The following DSCAM variants were observed in gnomAD, a reference collection of about 807,000 sequenced individuals.
The protein encoded by DSCAM is cell adhesion molecule DSCAM.
Under a neutral mutation model 217.7 loss-of-function variants are expected in DSCAM, and 47 were observed. The ratio of observed to expected loss-of-function variants is 0.22; its 90% CI spans 0.17 to 0.28. The LOEUF (loss-of-function observed/expected upper bound fraction) is 0.28, where lower values mean the gene tolerates loss of function less well. Ranked by LOEUF, DSCAM falls within the 10% of genes least tolerant of loss-of-function variation. The pLI is 1.00. For synonymous variants in DSCAM, 1,056 were observed against 1,015.3 expected, an observed-to-expected ratio of 1.04 and a Z score of -0.76; for missense variants, 2,080 against 2,618.3, an observed-to-expected ratio of 0.79 and a Z score of 4.49.
intron 16 of DSCAM, among the ~76,000 whole-genome samples, chr21:40,150,729 G>C (rs1030346294): frequency 6.6e-6 from 1 of 152,240 alleles, no homozygotes; most frequent in Admixed American, 6.5e-5. Flanking sequence ...TGTTTTGAAT[G>C]ATGCTTTAGA....
rs145772482 is a variant in DSCAM at position 40,324,684 on chromosome 21, G to C, written c.1784-12325C>G. 4.6e-3 allele frequency among the ~76,000 whole-genome samples: 707 copies of C among 152,222 alleles called. 8 individuals are homozygous for C. The highest frequency in any genetic ancestry group is 0.016 in the African/African-American group (677 of 41,548). ...ATTAGAGTCACCATGGTCTGAGCAG[G>C]ATGACAGGTTATGTTTCCCCTGGTT... On this transcript the variant is annotated intron_variant, in intron 8 of 32. Transcript: ENST00000400454.
intron 4 of DSCAM, among the ~76,000 whole-genome samples, chr21:40,362,406 GGGTT>G (rs1569085313): frequency 1.3e-5 from 2 of 152,150 alleles, no homozygotes; most frequent in Non-Finnish European, 2.9e-5. Flanking sequence ...TTATTTCAGT[GGGTT>G]GGTTAGATAA....
chr21:40,213,095 G>A (rs565443750), intron 11 of DSCAM, among the ~76,000 whole-genome samples: 5 of 152,322 alleles, frequency 3.3e-5, no homozygotes, highest in South Asian at 2.1e-4. Flanking sequence ...CCACTCCATC[G>A]TGGTCATTTT....
intron 1 of DSCAM, among the ~76,000 whole-genome samples, chr21:40,717,045 G>A (rs1436011775): frequency 1.3e-5 from 2 of 152,218 alleles, no homozygotes; most frequent in Non-Finnish European, 2.9e-5. Flanking sequence ...TTAGGACATT[G>A]AGTTGTCCCA....
intron 11 of DSCAM, among the ~76,000 whole-genome samples, chr21:40,203,461 T>C (rs986248360): frequency 2.6e-5 from 4 of 152,222 alleles, no homozygotes; most frequent in African/African-American, 9.6e-5. Context: ...CTTTGTGGCA[T>C]CCCTCCCCTA....
chr21:40,077,866 C>T (rs1039530833), intron 26 of DSCAM, among the ~76,000 whole-genome samples: 2 of 152,220 alleles, frequency 1.3e-5, no homozygotes, highest in African/African-American at 4.8e-5. Flanking sequence ...TGCATTGCTG[C>T]CGTTTTTACC....
At chr21:40,397,390 C>G (rs1262936322) in intron 3 of DSCAM, among the ~76,000 whole-genome samples, 5 of 152,022 alleles carry the variant, frequency 3.3e-5, no homozygotes, top group Non-Finnish European at 7.4e-5. Flanking sequence ...GCAACTCCCT[C>G]TCACTCTCTC....
intron 3 of DSCAM, among the ~76,000 whole-genome samples, chr21:40,521,473 C>T (rs1460540455): frequency 6.6e-6 from 1 of 152,046 alleles, no homozygotes; most frequent in Non-Finnish European, 1.5e-5. Context: ...GAGGTGATAC[C>T]TCATTGTGGT....
chr21:40,166,900 G>T lies in DSCAM; in HGVS notation c.3018+318C>A, dbSNP rs550323067. 2.0e-5 allele frequency among the ~76,000 whole-genome samples: 3 copies of T among 152,000 alleles called. No homozygotes were observed. In the East Asian group the frequency reaches 5.8e-4, roughly 29 times the overall value. ...AAAGCAATTTGAAAACATTTTTGCT[G>T]GGATGAAATGAGAGCATGCAGTCAG... On this transcript the variant is annotated intron_variant, in intron 16 of 32. Transcript: ENST00000400454.
chr21:40,036,004 G>C (rs879062179), intron 32 of DSCAM, among the ~76,000 whole-genome samples: 1 of 139,448 alleles, frequency 7.2e-6, no homozygotes, highest in African/African-American at 2.8e-5. Flanking sequence ...TCTCTGGGAC[G>C]CATTCAAAGC....
intron 13 of DSCAM, 33 bp downstream of exon 13, chr21:40,187,858 T>G: frequency 6.4e-7 from 1 of 1,564,214 alleles, no homozygotes; most frequent in Non-Finnish European, 8.8e-7. Context: ...CTGAAATGAC[T>G]GTGTTTATTC....
chr21:40,201,243 C>T (rs1340593973), intron 11 of DSCAM, among the ~76,000 whole-genome samples: 1 of 152,184 alleles, frequency 6.6e-6, no homozygotes, highest in East Asian at 1.9e-4. Context: ...ATTACATTCA[C>T]TCTGAAGTTA....
At chr21:40,071,913 G>C (rs1050727696) in intron 27 of DSCAM, among the ~76,000 whole-genome samples, 2 of 152,194 alleles carry the variant, frequency 1.3e-5, no homozygotes, top group African/African-American at 4.8e-5. Flanking sequence ...TATCATTAAT[G>C]AACATTTCAG....
intron 32 of DSCAM, among the ~76,000 whole-genome samples, chr21:40,032,143 C>T (rs901896580): frequency 2.6e-5 from 4 of 152,154 alleles, no homozygotes; most frequent in Non-Finnish European, 4.4e-5. Flanking sequence ...AAGGCCAAGC[C>T]CCCAGCTAGG....
chr21:40,127,135 TATAAG>T (rs1414955951), intron 19 of DSCAM, among the ~76,000 whole-genome samples: 1 of 152,210 alleles, frequency 6.6e-6, no homozygotes, highest in African/African-American at 2.4e-5. Flanking sequence ...CTGTTAGAAT[TATAAG>T]AGATAATTCA....
At chr21:40,714,855 G>C (rs1270676810) in intron 1 of DSCAM, among the ~76,000 whole-genome samples, 3 of 152,204 alleles carry the variant, frequency 2.0e-5, no homozygotes, top group Non-Finnish European at 2.9e-5. Context: ...AACTCACGTT[G>C]AAATTTAATC....
intron 20 of DSCAM, among the ~76,000 whole-genome samples, chr21:40,105,847 T>C (rs1008123539): frequency 6.6e-6 from 1 of 152,236 alleles, no homozygotes; most frequent in African/African-American, 2.4e-5. Context: ...CCACATTCCA[T>C]ATCTATTGAG....
chr21:40,599,939 A>C (rs2077049963), intron 3 of DSCAM, among the ~76,000 whole-genome samples: 1 of 152,340 alleles, frequency 6.6e-6, no homozygotes, highest in South Asian at 2.1e-4. Context: ...ACCAATAACA[A>C]GTTCTGAAAT....
intron 1 of DSCAM, among the ~76,000 whole-genome samples, chr21:40,811,835 C>T (rs919430541): frequency 6.6e-6 from 1 of 152,140 alleles, no homozygotes; most frequent in Admixed American, 6.6e-5. Flanking sequence ...CTATGGGGTC[C>T]CATATGGGAT....
Sources: gnomAD v4.1 joint callset for allele counts (sites outside exome capture counted in the v4.1 genomes callset) on GRCh38, gnomAD v4.1.1 for gene constraint, MANE v1.5 for transcripts, NCBI Gene and HGNC (gene_info 2026-07-23, HGNC 2026-07-21) for gene names.